The following IMMP2L variants were observed in gnomAD, a reference collection of about 807,000 sequenced individuals.
The protein encoded by IMMP2L is mitochondrial inner membrane protease subunit 2.
IMMP2L carries 18 observed loss-of-function variants against 19.3 expected under a neutral mutation model. The ratio of observed to expected loss-of-function variants is 0.93; its 90% CI spans 0.64 to 1.38. The LOEUF is 1.38. Among genes scored for constraint, IMMP2L ranks in the 40% most tolerant of loss-of-function variants. The pLI is 0.00. For missense variants in IMMP2L, 233 were observed against 218.2 expected (o/e 1.07, Z -0.43); for synonymous variants, 76 against 73.0 (o/e 1.04, Z -0.21).
At chr7:111,317,870 G>C (rs1824275258) in intron 3 of IMMP2L, among the ~76,000 whole-genome samples, 1 of 152,030 alleles carries the variant, frequency 6.6e-6, no homozygotes, top group Non-Finnish European at 1.5e-5. Context: ...GTGAAACTTT[G>C]AAAATTCCAG....
chr7:110,729,116 C>T (rs1796087475), intron 5 of IMMP2L, among the ~76,000 whole-genome samples: 1 of 152,076 alleles, frequency 6.6e-6, no homozygotes, highest in African/African-American at 2.4e-5. Flanking sequence ...AACTCCTGAC[C>T]TCGTGATCTG....
chr7:111,374,202 C>T (rs988921438), intron 3 of IMMP2L, among the ~76,000 whole-genome samples: 27 of 152,140 alleles, frequency 1.8e-4, no homozygotes, highest in African/African-American at 6.5e-4. Flanking sequence ...TAAATGCATA[C>T]TGAATAATGT....
At chr7:111,290,552 T>A (rs1943892002) in intron 3 of IMMP2L, among the ~76,000 whole-genome samples, 1 of 151,936 alleles carries the variant, frequency 6.6e-6, no homozygotes, top group African/African-American at 2.4e-5. Flanking sequence ...CCTACTTATG[T>A]CAGAGGTCAG....
chr7:110,835,918 G>A (rs1261277880), intron 5 of IMMP2L, among the ~76,000 whole-genome samples: 1 of 152,088 alleles, frequency 6.6e-6, no homozygotes, highest in African/African-American at 2.4e-5. Flanking sequence ...ACTTTGCAGA[G>A]CATGGCATAT....
At chr7:111,440,830 A>T (rs1837638184) in intron 3 of IMMP2L, among the ~76,000 whole-genome samples, 1 of 151,916 alleles carries the variant, frequency 6.6e-6, no homozygotes, top group African/African-American at 2.4e-5. Context: ...TCTGCTGTGT[A>T]GTGTAGGCGC....
intron 4 of IMMP2L, among the ~76,000 whole-genome samples, chr7:110,895,004 A>T (rs1307797611): frequency 1.3e-5 from 2 of 152,146 alleles, no homozygotes; most frequent in East Asian, 3.9e-4. Context: ...GTCCATTTTC[A>T]TGCTGCTGAT....
intron 5 of IMMP2L, among the ~76,000 whole-genome samples, chr7:110,832,816 T>C (rs1464046102): frequency 6.6e-6 from 1 of 152,118 alleles, no homozygotes; most frequent in Non-Finnish European, 1.5e-5. Context: ...TCTGATCATA[T>C]GAATAACATA....
At chr7:111,288,347 T>A (rs1820724659) in intron 3 of IMMP2L, among the ~76,000 whole-genome samples, 2 of 152,132 alleles carry the variant, frequency 1.3e-5, no homozygotes, top group African/African-American at 4.8e-5. Context: ...GAAGAAAATC[T>A]AGGCAATGCC....
intron 5 of IMMP2L, among the ~76,000 whole-genome samples, chr7:110,690,230 C>T (rs1331516567): frequency 2.0e-5 from 3 of 152,128 alleles, no homozygotes; most frequent in Admixed American, 6.6e-5. Context: ...TTGAGTGCAT[C>T]GTTCTTAGCT....
intron 5 of IMMP2L, among the ~76,000 whole-genome samples, chr7:110,775,502 TAG>T (rs2131047183): frequency 6.6e-6 from 1 of 152,126 alleles, no homozygotes; most frequent in South Asian, 2.1e-4. Context: ...AAACCATGAC[TAG>T]AGAGCAGCCC....
intron 4 of IMMP2L, among the ~76,000 whole-genome samples, chr7:110,900,173 G>A (rs1315489589): frequency 2.0e-5 from 3 of 152,114 alleles, no homozygotes; most frequent in Non-Finnish European, 2.9e-5. Context: ...AAAGTGAATC[G>A]TTGAAAGATG....
At chr7:111,102,941 A>T (rs1338950627) in intron 3 of IMMP2L, among the ~76,000 whole-genome samples, 1 of 151,528 alleles carries the variant, frequency 6.6e-6, no homozygotes, top group East Asian at 1.9e-4. Flanking sequence ...TTAAAAGACC[A>T]TATAGTATAG....
chr7:110,764,179 C>T lies in IMMP2L; in HGVS notation c.409-100458G>A, dbSNP rs146910316. Among the ~76,000 whole-genome samples, 790 of 152,158 alleles carry T rather than the reference C, an allele frequency of 5.2e-3. 2 individuals carry two copies. Among genetic ancestry groups the T allele is most frequent in the Middle Eastern group, 0.01 (3 of 294 alleles). On this transcript the variant is annotated intron_variant, in intron 5 of 5. Coordinates refer to ENST00000405709, the MANE Select transcript of IMMP2L (RefSeq NM_032549.4). ...ACATTGAAATCATCTTCAAAGTATG[C>T]CTTCTGGCAAATGAAAGGGCTCTGA...
intron 5 of IMMP2L, among the ~76,000 whole-genome samples, chr7:110,735,914 G>GCTGCCA (rs773116955): frequency 2.7e-5 from 4 of 150,394 alleles, no homozygotes; most frequent in Non-Finnish European, 5.9e-5. Context: ...GATTGTTGGG[G>GCTGCCA]CTGCCACTCT....
intron 3 of IMMP2L, among the ~76,000 whole-genome samples, chr7:111,363,224 T>C (rs896563624): frequency 6.6e-6 from 1 of 152,048 alleles, no homozygotes; most frequent in Non-Finnish European, 1.5e-5. Flanking sequence ...TCTAAATCCT[T>C]GCTACTCAAA....
At chr7:111,439,814 C>T (rs927984311) in intron 3 of IMMP2L, among the ~76,000 whole-genome samples, 1 of 151,836 alleles carries the variant, frequency 6.6e-6, no homozygotes, top group Non-Finnish European at 1.5e-5. Flanking sequence ...TGCATTTTAC[C>T]CACAGTAAAA....
intron 3 of IMMP2L, among the ~76,000 whole-genome samples, chr7:111,321,473 T>C (rs1026460432): frequency 6.6e-6 from 1 of 151,896 alleles, no homozygotes; most frequent in Non-Finnish European, 1.5e-5. Flanking sequence ...ATGTCTCAAA[T>C]TAAATGCAAA....
intron 3 of IMMP2L, among the ~76,000 whole-genome samples, chr7:111,331,421 C>T (rs1358709359): frequency 6.6e-6 from 1 of 151,738 alleles, no homozygotes; most frequent in Non-Finnish European, 1.5e-5. Flanking sequence ...GCAGTTCAGG[C>T]AGTAAGGAAT....
intron 3 of IMMP2L, among the ~76,000 whole-genome samples, chr7:111,419,644 A>C (rs1835295664): frequency 6.6e-6 from 1 of 151,696 alleles, no homozygotes; most frequent in Non-Finnish European, 1.5e-5. Context: ...ACCAATGTTT[A>C]TCTTACATAT....
Sources: allele counts gnomAD v4.1 joint callset (sites outside exome capture counted in the v4.1 genomes callset), GRCh38; gene constraint gnomAD v4.1.1; transcripts MANE v1.5; gene names NCBI Gene and HGNC (gene_info 2026-07-23, HGNC 2026-07-21).